Variants in DOK7 observed in about 807,000 individuals in gnomAD.
DOK7 encodes docking protein 7.
A neutral mutation model predicts 30.7 loss-of-function variants in DOK7; 32 were observed. The ratio of observed to expected loss-of-function variants is 1.04; its 90% CI spans 0.79 to 1.40. DOK7 has a LOEUF of 1.40. DOK7 is among the 40% of genes most tolerant of loss of function. The pLI is 0.00. For synonymous variants in DOK7, 447 were observed against 324.1 expected (o/e 1.38, Z -4.07); for missense variants, 1,007 against 699.2 (o/e 1.44, Z -4.97).
At chr4:3,491,021 A>ATTCC (rs1422806192) in intron 6 of DOK7, among the ~76,000 whole-genome samples, 1 of 65,318 alleles carries the variant, frequency 1.5e-5, no homozygotes, top group Non-Finnish European at 2.9e-5. Context: ...CTGCTCATTC[A>ATTCC]TTCCTTCCTT....
At chr4:3,487,228 G>T (rs1290020948) in intron 5 of DOK7, among the ~76,000 whole-genome samples, 1 of 85,198 alleles carries the variant, frequency 1.2e-5, no homozygotes, top group Non-Finnish European at 2.5e-5. Flanking sequence ...CCACCCGGAG[G>T]TGGGTTGAGC....
At chr4:3,488,435 G>T (rs967918199) in intron 5 of DOK7, among the ~76,000 whole-genome samples, 4 of 152,244 alleles carry the variant, frequency 2.6e-5, no homozygotes, top group Non-Finnish European at 5.9e-5. Context: ...CTTCAGCCTA[G>T]ATGTGAACCT....
chr4:3,491,003 TCTTCTTCCTGCTCATTCATTCCTTCCTTC>T (rs1310885786), intron 6 of DOK7, among the ~76,000 whole-genome samples: 6 of 85,916 alleles, frequency 7.0e-5, no homozygotes, highest in Non-Finnish European at 1.5e-4. Context: ...ATTCCTTCCT[TCTTCTTCCTGCTCATTCATTCCTTCCTTC>T]CCCCCCATTC....
chr4:3,478,973 C>T (rs570559667), intron 4 of DOK7, among the ~76,000 whole-genome samples: 5 of 152,270 alleles, frequency 3.3e-5, no homozygotes, highest in East Asian at 1.9e-4. Flanking sequence ...GCCGGCAACT[C>T]GGGTGGTCCA....
rs1728615373 is a variant in DOK7 at position 3,493,035 on chromosome 4, G to A, written c.1049G>A (p.Ser350Asn). The A allele has an allele frequency of 1.3e-6, 2 of 1,571,494 alleles. No individual in the cohort carries two copies. Among genetic ancestry groups the A allele is most frequent in the Non-Finnish European group, 1.7e-6 (2 of 1,163,476 alleles). Residue 350 changes from serine (S) to asparagine (N), a missense_variant, in exon 7 of 7, where the codon AGC (serine) becomes AAC (asparagine). Ser to Asn is a conservative substitution (Grantham distance 46, BLOSUM62 1). Transcript: ENST00000340083. ...IATGSHSSYS[S>N]SLSSYAGSSL... The stretch of plus-strand genomic sequence containing the variant: ...ACTGGCAGCCACTCCTCTTACTCCA[G>A]CAGCCTCTCGTCCTACGCGGGCAGC...
chr4:3,485,643 C>T lies in DOK7; in HGVS notation c.637C>T (p.Arg213Trp), dbSNP rs758646956. The T allele has an allele frequency of 2.4e-5, 38 of 1,599,112 alleles. No homozygotes were observed. Among genetic ancestry groups the T allele is most frequent in the Middle Eastern group, 1.7e-4 (1 of 6,050 alleles). Reference sequence around the variant, plus strand: ...CCCCACCAAGGGCCCCTTTGGGCTGCGGCCGGTTCTACCAGGTGCGTGTGG... The same window carrying T: ...CCCCACCAAGGGCCCCTTTGGGCTGTGGCCGGTTCTACCAGGTGCGTGTGG... Reference protein sequence around the residue: ...ISPTKGPFGLRPVLPDPSPPG... With the variant: ...ISPTKGPFGLWPVLPDPSPPG... Residue 213 changes from arginine (R) to tryptophan (W), a missense_variant, in exon 5 of 7, where the codon CGG becomes TGG. Physicochemically the swap from Arg to Trp is moderately radical, Grantham distance 101 (BLOSUM62 -3). Transcript: ENST00000340083.
chr4:3,494,538 G>T, downstream of DOK7: 1 of 985,172 alleles, frequency 1.0e-6, no homozygotes, highest in Non-Finnish European at 1.2e-6. Flanking sequence ...CACCCTCCAC[G>T]TGGGGCCTCT....
At chr4:3,490,473 C>CCCCCCCACCG (rs1728247073) in intron 6 of DOK7, among the ~76,000 whole-genome samples, 1 of 126,738 alleles carries the variant, frequency 7.9e-6, no homozygotes, top group Non-Finnish European at 1.7e-5. Context: ...CTTTCTTCTC[C>CCCCCCCACCG]CTCTGCTCAT....
rs776841110 is a variant in DOK7 at position 3,476,360 on chromosome 4, C to T, written c.350C>T (p.Thr117Ile). Residue 117 changes from threonine (T) to isoleucine (I), a missense_variant, in exon 4 of 7, where the codon ACA becomes ATA. Physicochemically the swap from Thr to Ile is moderately conservative, Grantham distance 89. Transcript: ENST00000340083. The part of the protein sequence containing the change: ...ALGEVHRFHV[T>I]VAPGTKLESG... ...CCCGCAGTGCATAGGTTCCATGTGA[C>T]AGTGGCTCCAGGCACCAAGTTGGAG... 1.9e-6 allele frequency: 3 copies of T among 1,611,222 alleles called. No homozygotes were observed. Among genetic ancestry groups the T allele is most frequent in the South Asian group, 2.2e-5 (2 of 91,008 alleles).
intron 6 of DOK7, among the ~76,000 whole-genome samples, chr4:3,491,706 C>T (rs1174192028): frequency 1.3e-5 from 2 of 152,242 alleles, no homozygotes; most frequent in Admixed American, 6.5e-5. Context: ...TTGGTTTTAC[C>T]TTCTGTGCCC....
At chr4:3,498,935 G>T (rs1729057646), downstream of DOK7, among the ~76,000 whole-genome samples, 2 of 152,238 alleles carry the variant, frequency 1.3e-5, no homozygotes, top group South Asian at 4.1e-4. Context: ...ATCTCGCTCT[G>T]TCCCAGCTGC....
rs371113155 is a variant in DOK7 at position 3,493,243 on chromosome 4, C to T, written c.1257C>T (p.Ser419=). The T allele has an allele frequency of 5.0e-6, 8 of 1,611,570 alleles. No homozygotes were observed. The highest frequency in any genetic ancestry group is 1.7e-5 in the Admixed American group (1 of 59,910). ...RSLCLAPRDH[S]PPSQGSPGNS... ...TTTGCCTGGCTCCTAGAGACCACAG[C>T]CCCCCCTCACAGGGCAGCCCCGGCA... The change falls in exon 7 of 7, where the codon AGC becomes AGT. Residue 419 remains serine, a synonymous_variant. Coordinates refer to ENST00000340083, the MANE Select transcript of DOK7 (RefSeq NM_173660.5).
At chr4:3,466,182 T>C (rs967117994) in intron 2 of DOK7, among the ~76,000 whole-genome samples, 1 of 148,892 alleles carries the variant, frequency 6.7e-6, no homozygotes, top group Non-Finnish European at 1.5e-5. Context: ...CAGAGCCCAG[T>C]TCCCCCCAGC....
At position 3,463,456 on chromosome 4, in the gene DOK7, G is replaced by C. The variant is rs774468059; in HGVS notation, c.54+27G>C. The C allele has an allele frequency of 1.1e-4, 153 of 1,421,668 alleles. No individual in the cohort carries two copies. The highest frequency in any genetic ancestry group is 7.3e-4 in the African/African-American group (48 of 66,108). The allele number at this position is 1,421,668 out of a possible 1,614,324, so 88.1% of individuals were successfully genotyped here. ...TCGGGGCGCGTCGGGGGCGCGGGGG[G>C]GGGGGGCGCGGGCGCGGGCGGCGGC... is the stretch of plus-strand genomic sequence containing the variant. On this transcript the variant is annotated intron_variant, in intron 1 of 6. Transcript: ENST00000340083.
In DOK7 at chr4:3,492,012, G is replaced by A. The variant is rs565506064; in HGVS notation, c.773-747G>A. 9.2e-5 allele frequency among the ~76,000 whole-genome samples: 14 copies of A among 152,350 alleles called. No homozygotes were observed. In the South Asian group the frequency reaches 2.3e-3, roughly 25 times the overall value. ...CTCCTGCCCTGCCCCAGGAGGAGGG[G>A]ACTCAGGTTTGCAATAAGCTTTTGC... On this transcript the variant is annotated intron_variant, in intron 6 of 6. Coordinates refer to ENST00000340083, the MANE Select transcript of DOK7 (RefSeq NM_173660.5).
intron 2 of DOK7, among the ~76,000 whole-genome samples, chr4:3,464,196 G>A (rs1726139380): frequency 6.6e-6 from 1 of 152,184 alleles, no homozygotes; most frequent in East Asian, 1.9e-4. Flanking sequence ...CAGAGGACAG[G>A]TGCGGCAGAG....
rs1473655526 is a variant in DOK7 at position 3,493,269 on chromosome 4, A to C, written c.1283A>C (p.Asn428Thr). The C allele has an allele frequency of 3.1e-6, 5 of 1,611,306 alleles. No individual in the cohort carries two copies. The highest frequency in any genetic ancestry group is 3.4e-6 in the Non-Finnish European group (4 of 1,179,450). Residue 428 changes from asparagine to threonine, a missense_variant, in exon 7 of 7, where the codon AAC becomes ACC. By Grantham distance (65) the Asn-to-Thr change is moderately conservative. Transcript: ENST00000340083. ...CCCCCCTCACAGGGCAGCCCCGGCA[A>C]CAGTGCGGCCAGGGACTCAGGCGGC... ...HSPPSQGSPG[N>T]SAARDSGGQT...
Position 3,493,126 on chromosome 4 carries a change from CCCCGAGCCCAGCCTGTGCACCTGCCTG to C in DOK7, c.1145_1171del (p.Glu382_Pro390del), listed in dbSNP as rs1560233159. ...TGCTCAGCCTGCCAGCAGCGGGGGCCCCCGAGCCCAGCCTGTGCACCTGCCTGCCCGGGACAGTCGAGTACCAGGTGC... is the reference window on the plus strand; with the variant it reads ...TGCTCAGCCTGCCAGCAGCGGGGGCCCCCGGGACAGTCGAGTACCAGGTGC... On this transcript the variant is annotated inframe_deletion, in exon 7 of 7. Transcript: ENST00000340083. 5.0e-6 allele frequency: 8 copies of C among 1,594,296 alleles called. No homozygotes were observed. The highest frequency in any genetic ancestry group is 1.3e-5 in the African/African-American group (1 of 74,716).
At chr4:3,496,704 A>T, downstream of DOK7, 2 of 1,178,352 alleles carry the variant, frequency 1.7e-6, no homozygotes, top group South Asian at 3.0e-5. Flanking sequence ...CAGGTGACCC[A>T]GGTCCCCCAG....
Sources: allele counts gnomAD v4.1 joint callset (sites outside exome capture counted in the v4.1 genomes callset), GRCh38; gene constraint gnomAD v4.1.1; transcripts MANE v1.5; gene names NCBI Gene and HGNC (gene_info 2026-07-23, HGNC 2026-07-21).